The following NKAIN3 variants were observed in gnomAD, a reference collection of about 807,000 sequenced individuals.
The protein encoded by NKAIN3 is sodium/potassium transporting ATPase interacting 3.
NKAIN3 carries 25 observed loss-of-function variants against 30.2 expected under a neutral mutation model. The observed-to-expected ratio is 0.83, with a 90% confidence interval of 0.60 to 1.16. NKAIN3 has a LOEUF of 1.16. Among genes scored for constraint, NKAIN3 ranks in the 50% most tolerant of loss-of-function variants. NKAIN3 has a pLI of 0.00. For missense variants in NKAIN3, 225 were observed against 254.1 expected (o/e 0.89, Z 0.78); for synonymous variants, 91 against 89.6 (o/e 1.02, Z -0.09).
chr8:62,748,943 G>A (rs942460513), intron 4 of NKAIN3, among the ~76,000 whole-genome samples: 2 of 151,786 alleles, frequency 1.3e-5, no homozygotes, highest in South Asian at 2.1e-4. Flanking sequence ...CAAAATTGTG[G>A]CAAAATATAT....
At chr8:62,372,533 C>T (rs940716533) in intron 1 of NKAIN3, among the ~76,000 whole-genome samples, 2 of 151,790 alleles carry the variant, frequency 1.3e-5, no homozygotes, top group Non-Finnish European at 2.9e-5. Context: ...TGTGGAGATT[C>T]GCATCATATA....
chr8:62,853,764 T>A (rs2130778358), intron 4 of NKAIN3, among the ~76,000 whole-genome samples: 2 of 152,314 alleles, frequency 1.3e-5, no homozygotes, highest in East Asian at 3.9e-4. Flanking sequence ...GTGCTCTTGG[T>A]TCTCTGGTTC....
intron 4 of NKAIN3, chr8:62,856,982 C>T: frequency 1.9e-6 from 1 of 533,898 alleles, no homozygotes; most frequent in Non-Finnish European, 3.6e-6. Flanking sequence ...CAAACTATCT[C>T]TTCCTGAATA....
Position 62,415,037 on chromosome 8 carries a change from T to C in NKAIN3, c.55-164502T>C, listed in dbSNP as rs542514293. On this transcript the variant is annotated intron_variant, in intron 1 of 6. Transcript: ENST00000623646. ...CTGTGAATTGGGAATTAATTAGAAA[T>C]ATTATATATATATATACTATATTAT... 1.3e-4 allele frequency among the ~76,000 whole-genome samples: 10 copies of C among 74,504 alleles called. No homozygotes were observed. The South Asian group carries it at 3.0e-3, about 22-fold the overall frequency. The allele number at this position is 74,504 out of a possible 152,430, so 48.9% of individuals were successfully genotyped here.
chr8:62,682,621 C>T (rs1214378004), intron 3 of NKAIN3, among the ~76,000 whole-genome samples: 1 of 152,128 alleles, frequency 6.6e-6, no homozygotes, highest in Non-Finnish European at 1.5e-5. Flanking sequence ...GAACTAGATG[C>T]TTTTGAGGTG....
chr8:62,683,025 TTTTGTTTG>T (rs535757107), intron 3 of NKAIN3, among the ~76,000 whole-genome samples: 7 of 152,024 alleles, frequency 4.6e-5, no homozygotes, highest in South Asian at 2.1e-4. Context: ...TTGTTTGTTT[TTTTGTTTG>T]TTTGTTTGTT....
chr8:62,879,426 G>A (rs1305327697), intron 4 of NKAIN3, among the ~76,000 whole-genome samples: 3 of 152,162 alleles, frequency 2.0e-5, no homozygotes, highest in East Asian at 1.9e-4. Context: ...TTTTCCAGAT[G>A]AGTAGATTGC....
At chr8:62,264,817 A>G (rs1398621311) in intron 1 of NKAIN3, among the ~76,000 whole-genome samples, 2 of 152,174 alleles carry the variant, frequency 1.3e-5, no homozygotes, top group East Asian at 1.9e-4. Flanking sequence ...ATCACGGTGC[A>G]TGTGCCACTG....
intron 4 of NKAIN3, among the ~76,000 whole-genome samples, chr8:62,832,472 C>A (rs571688968): frequency 3.5e-4 from 53 of 151,920 alleles, no homozygotes; most frequent in African/African-American, 1.2e-3. Flanking sequence ...GGATAAAAAG[C>A]GAAAACCCAT....
At chr8:62,991,388 A>T (rs1371001707) in intron 5 of NKAIN3, among the ~76,000 whole-genome samples, 1 of 152,220 alleles carries the variant, frequency 6.6e-6, no homozygotes, top group Non-Finnish European at 1.5e-5. Flanking sequence ...TTGTTGGCAA[A>T]GAAAAAGGAC....
intron 1 of NKAIN3, among the ~76,000 whole-genome samples, chr8:62,391,833 G>A (rs1056086464): frequency 1.3e-5 from 2 of 151,846 alleles, no homozygotes; most frequent in South Asian, 4.1e-4. Context: ...GTGTGGGTGT[G>A]TGTGAAAAAT....
chr8:62,412,909 C>CAAAAAA (rs71501599), intron 1 of NKAIN3, among the ~76,000 whole-genome samples: 31 of 97,906 alleles, frequency 3.2e-4, no homozygotes, highest in African/African-American at 1.0e-3. Flanking sequence ...GAGACTCCGT[C>CAAAAAA]AAAAAAAAAA....
chr8:62,852,920 T>C (rs1260579621), intron 4 of NKAIN3, among the ~76,000 whole-genome samples: 1 of 152,200 alleles, frequency 6.6e-6, no homozygotes, highest in African/African-American at 2.4e-5. Flanking sequence ...CTGAGAAGAA[T>C]GTATATTCTG....
intron 1 of NKAIN3, among the ~76,000 whole-genome samples, chr8:62,503,798 C>G (rs892064911): frequency 2.6e-5 from 4 of 152,068 alleles, no homozygotes; most frequent in African/African-American, 9.7e-5. Context: ...TTATGGTTGT[C>G]TTCCCTTGCT....
At chr8:62,548,574 A>G (rs1473372386) in intron 1 of NKAIN3, among the ~76,000 whole-genome samples, 1 of 151,996 alleles carries the variant, frequency 6.6e-6, no homozygotes. Flanking sequence ...ATGTTAGTGG[A>G]AAAAAAATCC....
chr8:62,774,536 G>GT (rs1817126205), intron 4 of NKAIN3, among the ~76,000 whole-genome samples: 2 of 152,126 alleles, frequency 1.3e-5, no homozygotes, highest in African/African-American at 4.8e-5. Flanking sequence ...GAGACTAGCT[G>GT]TATGTGTGTC....
intron 3 of NKAIN3, among the ~76,000 whole-genome samples, chr8:62,726,058 C>A (rs1815247124): frequency 6.6e-6 from 1 of 151,912 alleles, no homozygotes; most frequent in African/African-American, 2.4e-5. Flanking sequence ...TATTTCACTT[C>A]TTTGGTTAAA....
At chr8:62,529,678 A>C (rs1265608270) in intron 1 of NKAIN3, among the ~76,000 whole-genome samples, 1 of 152,122 alleles carries the variant, frequency 6.6e-6, no homozygotes, top group Non-Finnish European at 1.5e-5. Flanking sequence ...CAGCCTCCAG[A>C]ACATGAGAAA....
intron 4 of NKAIN3, among the ~76,000 whole-genome samples, chr8:62,818,337 T>TTATA (rs1818748069): frequency 1.3e-5 from 2 of 152,176 alleles, no homozygotes; most frequent in Non-Finnish European, 2.9e-5. Context: ...AAAACTAAGG[T>TTATA]TATATAGTTA....
Sources: allele counts gnomAD v4.1 joint callset (sites outside exome capture counted in the v4.1 genomes callset), GRCh38; gene constraint gnomAD v4.1.1; transcripts MANE v1.5; gene names NCBI Gene and HGNC (gene_info 2026-07-23, HGNC 2026-07-21).